Variants in USP36 observed in about 807,000 individuals in gnomAD.
USP36 encodes the protein ubiquitin carboxyl-terminal hydrolase 36.
A neutral mutation model predicts 111.5 loss-of-function variants in USP36; 59 were observed. The ratio of observed to expected loss-of-function variants is 0.53; its 90% CI spans 0.43 to 0.66. USP36 has a LOEUF of 0.66. Ranked by LOEUF, USP36 falls within the 30% of genes least tolerant of loss-of-function variation. The pLI is 0.00. For missense variants in USP36, 1,488 were observed against 1,468.0 expected (o/e 1.01, Z -0.22); for synonymous variants, 628 against 581.0 (o/e 1.08, Z -1.16).
At chr17:78,788,204 C>T (rs1009285820) in intron 3 of USP36, among the ~76,000 whole-genome samples, 8 of 151,916 alleles carry the variant, frequency 5.3e-5, no homozygotes, top group African/African-American at 1.9e-4. Context: ...CTCACTCTGT[C>T]GCCAGGCTGG....
In USP36 at chr17:78,803,759, C is replaced by T; in HGVS notation, c.2436G>A (p.Arg812=). 1.2e-6 allele frequency: 2 copies of T among 1,612,722 alleles called. No homozygotes were observed. Among genetic ancestry groups the T allele is most frequent in the Admixed American group, 1.7e-5 (1 of 60,028 alleles). ...SEPPQSPSEK[R]KKTFVGEPQR... is the part of the protein sequence containing the mutation. ...GCGGCTCTCCCACAAAGGTCTTTTT[C>T]CTCTTCTCAGAGGGGCTCTGGGGGG... Residue 812 remains arginine (R), a synonymous_variant, in exon 16 of 21, where the codon AGG becomes AGA. Coordinates refer to ENST00000449938, the MANE Select transcript of USP36 (RefSeq NM_001385174.1). The surrounding 1 kb of genome is among the most constrained non-coding windows in gnomAD (Gnocchi z 4.6).
intron 17 of USP36, among the ~76,000 whole-genome samples, chr17:78,800,035 A>G (rs950090849): frequency 6.6e-6 from 1 of 151,658 alleles, no homozygotes; most frequent in East Asian, 1.9e-4. Context: ...ACTAATGCTT[A>G]CATGCTTAAT....
Position 78,812,967 on chromosome 17 carries a change from T to A in USP36, c.1300A>T (p.Ile434Phe). ...AGGGAGGAGGAGCCTGTCCTGGAGA[T>A]GAGGCCCTCGGGACTTTTCTTAGAG... ...PGSKKSPEGL[I>F]SRTGSSSLPG... is the part of the protein sequence containing the mutation. The change falls in exon 13 of 21, where the codon ATC becomes TTC. Residue 434 changes from isoleucine (I) to phenylalanine (F), a missense_variant. By Grantham distance (21) the Ile-to-Phe change is conservative. Transcript: ENST00000449938. 2 of 1,614,070 alleles carry A rather than the reference T, an allele frequency of 1.2e-6. No homozygotes were observed. Among genetic ancestry groups the A allele is most frequent in the East Asian group, 2.2e-5 (1 of 44,866 alleles).
rs577479444 is a variant in USP36, at chr17:78,823,046, G to C, written c.690-1042C>G. Reference sequence around the variant, plus strand: ...CCACCCAGACCATTCCACACCCGCAGGCTACACTTCCCCTCCCACAGAACA... The same window carrying C: ...CCACCCAGACCATTCCACACCCGCACGCTACACTTCCCCTCCCACAGAACA... On this transcript the variant is annotated intron_variant, in intron 6 of 20. Transcript: ENST00000449938. The C allele has an allele frequency of 5.8e-5, 23 of 398,578 alleles. No individual in the cohort carries two copies. The East Asian group carries it at 8.2e-4, about 14-fold the overall frequency. The allele number at this position is 398,578 out of a possible 1,614,324, so 24.7% of individuals were successfully genotyped here.
At chr17:78,816,155 A>G (rs1599036399) in intron 10 of USP36, among the ~76,000 whole-genome samples, 1 of 151,584 alleles carries the variant, frequency 6.6e-6, no homozygotes, top group East Asian at 1.9e-4. Flanking sequence ...AAACATACGC[A>G]TAATTTTTTT....
At chr17:78,814,382 G>C in intron 11 of USP36, 30 bp downstream of exon 11, 2 of 1,612,220 alleles carry the variant, frequency 1.2e-6, no homozygotes, top group Non-Finnish European at 8.5e-7. Flanking sequence ...CCTGTCCCAG[G>C]AGGCAGCTGC....
chr17:78,807,692 C>T (rs771001303), intron 13 of USP36, 56 bp from the exon 14 acceptor site: 687 of 1,482,594 alleles, frequency 4.6e-4, no homozygotes, highest in Non-Finnish European at 5.9e-4. Context: ...TCAGCTGGGC[C>T]ACATCTTCTT....
intron 15 of USP36, 46 bp downstream of exon 15, chr17:78,806,110 C>G (rs771518797): frequency 4.3e-6 from 7 of 1,611,042 alleles, no homozygotes; most frequent in South Asian, 1.1e-5. Context: ...CACGCAACCA[C>G]AGGGAGAACC....
rs71964596 is a variant in USP36 at position 78,802,466 on chromosome 17, TTTTTTC to T, written c.2874_2879del (p.Lys959_Lys960del). On this transcript the variant is annotated inframe_deletion, in exon 17 of 21. Transcript: ENST00000449938. ...CTGCCCGCTGTGTCTCCTGCTTTCT[TTTTTTC>T]TTTTTCTTTTTCCTTGGAGACTCTT... 789,611 of 1,608,764 alleles carry T rather than the reference TTTTTTC, an allele frequency of 0.49. 202,542 individuals carry two copies. The highest frequency in any genetic ancestry group is 0.53 in the Non-Finnish European group (621,678 of 1,178,844).
chr17:78,829,110 T>A, intron 4 of USP36, 103 bp from the exon 5 acceptor site: 1 of 967,176 alleles, frequency 1.0e-6, no homozygotes, highest in African/African-American at 1.6e-5. Flanking sequence ...CACAAGCAGG[T>A]AAGAGCAAAC....
chr17:78,794,479 C>A (rs1389632757), downstream of USP36, among the ~76,000 whole-genome samples: 1 of 152,182 alleles, frequency 6.6e-6, no homozygotes, highest in Non-Finnish European at 1.5e-5. Flanking sequence ...CTCCTCATGG[C>A]CTCCCTGCAT....
At chr17:78,832,119 C>T (rs2068186446) in intron 4 of USP36, among the ~76,000 whole-genome samples, 1 of 152,118 alleles carries the variant, frequency 6.6e-6, no homozygotes, top group Non-Finnish European at 1.5e-5. Flanking sequence ...TCCATGACTA[C>T]ACGGACATAG....
chr17:78,802,587 C>G (rs748767284), intron 16 of USP36, 52 bp from the exon 17 acceptor site: 1 of 1,518,242 alleles, frequency 6.6e-7, no homozygotes, highest in Non-Finnish European at 8.8e-7. Context: ...GGAAGGGGAG[C>G]AGGAGCGCAC....
At chr17:78,815,587 C>A (rs1310184334) in intron 10 of USP36, among the ~76,000 whole-genome samples, 1 of 152,156 alleles carries the variant, frequency 6.6e-6, no homozygotes, top group East Asian at 1.9e-4. Context: ...GGTTTTAGAT[C>A]TTCAGAAATA....
chr17:78,832,380 T>C (rs2145601377), intron 4 of USP36, among the ~76,000 whole-genome samples: 1 of 152,130 alleles, frequency 6.6e-6, no homozygotes. Context: ...CAGGATCCAG[T>C]GGGGTGCAGG....
intron 4 of USP36, among the ~76,000 whole-genome samples, chr17:78,829,322 T>C (rs142147823): frequency 6.6e-6 from 1 of 152,362 alleles, no homozygotes; most frequent in African/African-American, 2.4e-5. Flanking sequence ...ACTAGTATTA[T>C]TTACTTATAA....
Position 78,829,015 on chromosome 17 carries a change from C to A in USP36, c.476-8G>T, listed in dbSNP as rs201284395. On this transcript the variant is annotated splice_region_variant and splice_polypyrimidine_tract_variant and intron_variant, in intron 4 of 20. Transcript: ENST00000449938. ...AGAAGCTTCCCTGGTGGCCTGCCGG[C>A]GTGGAAGGAGGAGCAATTTTAAGAC... is the stretch of plus-strand genomic sequence containing the variant. 6.2e-7 allele frequency: 1 copy of A among 1,610,824 alleles called. No individual in the cohort carries two copies. Among genetic ancestry groups the A allele is most frequent in the Admixed American group, 1.7e-5 (1 of 59,606 alleles).
chr17:78,805,520 C>T (rs937662511), intron 15 of USP36, among the ~76,000 whole-genome samples: 1 of 152,124 alleles, frequency 6.6e-6, no homozygotes, highest in Non-Finnish European at 1.5e-5. Flanking sequence ...ATGACTCACC[C>T]CATCTTTCAC....
chr17:78,827,234 G>A lies in USP36; in HGVS notation c.689+11C>T, dbSNP rs1263672792. 1.1e-6 allele frequency: 1 copy of A among 895,016 alleles called. No homozygotes were observed. The highest frequency in any genetic ancestry group is 1.7e-6 in the Non-Finnish European group (1 of 595,544). 55.4% of individuals were successfully genotyped at this position (895,016 alleles called of 1,614,324 possible). On this transcript the variant is annotated intron_variant, in intron 6 of 20. Coordinates refer to ENST00000449938, the MANE Select transcript of USP36 (RefSeq NM_001385174.1). ...CCAAAGCCCTGGGAGGGTGGGTGGG[G>A]AAGCACGCACTTGGCACAGCCATTC... is the stretch of plus-strand genomic sequence containing the variant.
Sources: gnomAD v4.1 joint callset for allele counts (sites outside exome capture counted in the v4.1 genomes callset) on GRCh38, gnomAD v4.1.1 for gene constraint, Gnocchi (gnomAD v3.1) non-coding constraint, MANE v1.5 for transcripts, NCBI Gene and HGNC (gene_info 2026-07-23, HGNC 2026-07-21) for gene names.